The following FNIP2 variants were observed in gnomAD, a reference collection of about 807,000 sequenced individuals.
The protein encoded by FNIP2 is folliculin interacting protein 2, also known as folliculin-interacting protein 2.
A neutral mutation model predicts 108.7 loss-of-function variants in FNIP2; 32 were observed. The ratio of observed to expected loss-of-function variants is 0.29; its 90% CI spans 0.22 to 0.40. The LOEUF is 0.40. Among genes scored for constraint, FNIP2 ranks in the 10% least tolerant of loss-of-function variants. The probability of loss-of-function intolerance (pLI) is 1.00; values close to 1 mark genes in which losing one functional copy is unlikely to be tolerated. For synonymous variants in FNIP2, 480 were observed against 496.7 expected (o/e 0.97, Z 0.45); for missense variants, 1,202 against 1,381.6 (o/e 0.87, Z 2.06).
chr4:158,834,146 TG>T (rs1459493993), intron 6 of FNIP2: 1 of 185,580 alleles, frequency 5.4e-6, no homozygotes, highest in Non-Finnish European at 1.1e-5. Context: ...CCAAGAGGAT[TG>T]TTTTTTTCTG....
chr4:158,798,117 C>T lies in FNIP2; in HGVS notation c.108-27799C>T, dbSNP rs570692987. Among the ~76,000 whole-genome samples, 41 of 152,092 alleles carry T rather than the reference C, an allele frequency of 2.7e-4. No individual in the cohort carries two copies. In the South Asian group the frequency reaches 7.7e-3, roughly 29 times the overall value. On this transcript the variant is annotated intron_variant, in intron 1 of 16. Coordinates refer to ENST00000264433, the MANE Select transcript of FNIP2 (RefSeq NM_020840.3). ...TCTTGCCCTGTCACTCAAGCCAAAG[C>T]GCAGTGGTGTGATTATAGCTCACCG...
In FNIP2 at chr4:158,871,651, G is replaced by T. The variant is rs369340095; in HGVS notation, c.2949+1182G>T. ...CCAGTGTACACGTGTGTGGCCAAAC[G>T]TTCCTAACCCCACCCCTGCTTTGTG... On this transcript the variant is annotated intron_variant, in intron 14 of 16. Coordinates refer to ENST00000264433, the MANE Select transcript of FNIP2 (RefSeq NM_020840.3). The T allele has an allele frequency of 1.4e-5, 14 of 985,224 alleles. No homozygotes were observed. The Admixed American group carries it at 4.9e-4, about 35-fold the overall frequency. The allele number at this position is 985,224 out of a possible 1,614,324, so 61.0% of individuals were successfully genotyped here.
rs1780680840 is a variant in FNIP2 at position 158,868,004 on chromosome 4, G to A, written c.1466-98G>A. The A allele has an allele frequency of 2.0e-6, 3 of 1,477,152 alleles. No individual in the cohort carries two copies. Among genetic ancestry groups the A allele is most frequent in the South Asian group, 1.3e-5 (1 of 76,402 alleles). The allele number at this position is 1,477,152 out of a possible 1,614,324, so 91.5% of individuals were successfully genotyped here. ...AGTCTGAAGCAGGGACTCCAGATTG[G>A]GAATATAAGTTATCTGTTTTGCTCT... On this transcript the variant is annotated intron_variant, in intron 12 of 16. Transcript: ENST00000264433. The surrounding 1 kb of genome is among the most constrained non-coding windows in gnomAD (Gnocchi z 4.6).
Position 158,832,785 on chromosome 4 carries a change from C to T in FNIP2, c.554+647C>T, listed in dbSNP as rs555659467. 1.3e-4 allele frequency among the ~76,000 whole-genome samples: 20 copies of T among 152,172 alleles called. No homozygotes were observed. The East Asian group carries it at 3.1e-3, about 23-fold the overall frequency. ...TATGAGAATTTTTATTTATTTCTTG[C>T]GAGATTTGTTTTTAACAGACCCTTG... On this transcript the variant is annotated intron_variant, in intron 5 of 16. Transcript: ENST00000264433.
rs762685106 is a variant in FNIP2, at chr4:158,904,524, G to C, written c.3325G>C (p.Val1109Leu). 1.9e-6 allele frequency: 3 copies of C among 1,613,068 alleles called. No individual in the cohort carries two copies. In the Admixed American group the frequency reaches 5.0e-5, roughly 27 times the overall value. Residue 1109 changes from valine to leucine, a missense_variant, in exon 17 of 17, where the codon GTG becomes CTG. Around this residue, in one of 5 missense-constraint regions of FNIP2, gnomAD observed 142 missense variants for 183.8 expected, o/e 0.77. Transcript: ENST00000264433. The stretch of plus-strand genomic sequence containing the variant: ...TATTGCCAGTACTCATTCTCCTTAT[G>C]TGGCTCAAATACTCTTATAAGCTAA... The part of the protein sequence containing the change: ...TAIASTHSPY[V>L]AQILL
chr4:158,861,667 C>T lies in FNIP2; in HGVS notation c.1356C>T (p.Val452=), dbSNP rs1409319843. The T allele has an allele frequency of 1.2e-6, 2 of 1,614,050 alleles. No homozygotes were observed. Among genetic ancestry groups the T allele is most frequent in the Non-Finnish European group, 8.5e-7 (1 of 1,179,898 alleles). Residue 452 remains valine (V), a synonymous_variant, in exon 12 of 17, where the codon GTC becomes GTT. Coordinates refer to ENST00000264433, the MANE Select transcript of FNIP2 (RefSeq NM_020840.3). ...ACCACCTGGCCTGGGTCCCAACTGT[C>T]ATGCCTGTGGATCACCCTCCCATCA... is the stretch of plus-strand genomic sequence containing the variant. ...LTYHLAWVPT[V]MPVDHPPIKA...
chr4:158,857,753 G>A (rs1780063565), intron 8 of FNIP2, among the ~76,000 whole-genome samples: 1 of 146,646 alleles, frequency 6.8e-6, no homozygotes, highest in Non-Finnish European at 1.5e-5. Context: ...GACCAGCTTG[G>A]ACAATGTAGG....
At chr4:158,871,787 C>T (rs1382092952) in intron 14 of FNIP2, 4 of 984,798 alleles carry the variant, frequency 4.1e-6, no homozygotes, top group Non-Finnish European at 4.8e-6. Context: ...TAGTTATGAA[C>T]ACCATATAGT....
At chr4:158,882,319 A>C (rs911510195) in intron 14 of FNIP2, among the ~76,000 whole-genome samples, 2 of 146,998 alleles carry the variant, frequency 1.4e-5, no homozygotes, top group Non-Finnish European at 3.0e-5. Flanking sequence ...CAGCTGCCCC[A>C]TCTGGGAGGG....
rs770684687 is a variant in FNIP2, at chr4:158,832,824, G to A, written c.554+686G>A. ...AACAGACCCTTGGGATTACCTGAAC[G>A]TTTATTGCATTAATTCCCTTACGTG... is the stretch of plus-strand genomic sequence containing the variant. On this transcript the variant is annotated intron_variant, in intron 5 of 16. Coordinates refer to ENST00000264433, the MANE Select transcript of FNIP2 (RefSeq NM_020840.3). Among the ~76,000 whole-genome samples, 5 of 152,176 alleles carry A rather than the reference G, an allele frequency of 3.3e-5. 1 individual carries two copies. The South Asian group carries it at 6.2e-4, about 19-fold the overall frequency.
At chr4:158,858,257 A>G (rs1451852078) in intron 8 of FNIP2, among the ~76,000 whole-genome samples, 1 of 152,184 alleles carries the variant, frequency 6.6e-6, no homozygotes, top group East Asian at 1.9e-4. Flanking sequence ...CTCATTTGCA[A>G]TGTTAGGTCC....
intron 1 of FNIP2, among the ~76,000 whole-genome samples, chr4:158,815,363 T>G (rs1014270245): frequency 5.3e-5 from 8 of 151,750 alleles, no homozygotes; most frequent in African/African-American, 1.7e-4. Flanking sequence ...TCTTCTGCTT[T>G]CTTTTTCATC....
chr4:158,819,330 A>AC (rs1777749847), intron 1 of FNIP2, among the ~76,000 whole-genome samples: 3 of 152,238 alleles, frequency 2.0e-5, no homozygotes, highest in Non-Finnish European at 4.4e-5. Context: ...AAGAATTGTA[A>AC]CCAACATGCA....
At chr4:158,895,524 C>T (rs893713114) in intron 15 of FNIP2, among the ~76,000 whole-genome samples, 1 of 152,124 alleles carries the variant, frequency 6.6e-6, no homozygotes, top group African/African-American at 2.4e-5. Flanking sequence ...TAGAATAATA[C>T]ATATGTAAAT....
In FNIP2 at chr4:158,848,606, G is replaced by A. The variant is rs560022176; in HGVS notation, c.728-2715G>A. Among the ~76,000 whole-genome samples the A allele has an allele frequency of 5.9e-5, 9 of 152,216 alleles. No individual in the cohort carries two copies. The South Asian group carries it at 1.2e-3, about 21-fold the overall frequency. ...AAGCATAAAGACCATCCAGGATCAC[G>A]TTACCTCACCAAATGGACTAAATAC... On this transcript the variant is annotated intron_variant, in intron 7 of 16. Transcript: ENST00000264433.
intron 1 of FNIP2, among the ~76,000 whole-genome samples, chr4:158,822,503 TG>T (rs1485170494): frequency 6.6e-6 from 1 of 152,134 alleles, no homozygotes; most frequent in Non-Finnish European, 1.5e-5. Flanking sequence ...TTTGTTTGTT[TG>T]TTTAACAGAC....
rs755470332 is a variant in FNIP2 at position 158,869,245 on chromosome 4, TCCC to T, written c.2611_2613del (p.Pro871del). On this transcript the variant is annotated inframe_deletion, in exon 13 of 17. Coordinates refer to ENST00000264433, the MANE Select transcript of FNIP2 (RefSeq NM_020840.3). ...CCTGGCCTCGTGGCTGGTGCGAATA[TCCC>T]CTGTGGGGATGACAACAAGAAGGCC... 3 of 1,613,918 alleles carry T rather than the reference TCCC, an allele frequency of 1.9e-6. No homozygotes were observed. In the Admixed American group the frequency reaches 5.0e-5, roughly 27 times the overall value.
At chr4:158,826,894 A>G (rs776267732) in intron 2 of FNIP2, among the ~76,000 whole-genome samples, 1 of 152,196 alleles carries the variant, frequency 6.6e-6, no homozygotes, top group Admixed American at 6.5e-5. Flanking sequence ...GTTGCTACCC[A>G]TACTGACCAA....
intron 1 of FNIP2, among the ~76,000 whole-genome samples, chr4:158,824,868 T>G (rs1778069758): frequency 6.6e-6 from 1 of 152,174 alleles, no homozygotes; most frequent in Non-Finnish European, 1.5e-5. Flanking sequence ...ATCATTTGTT[T>G]TGCTTCTTCA....
Sources: gnomAD v4.1 joint callset for allele counts (sites outside exome capture counted in the v4.1 genomes callset) on GRCh38, gnomAD v4.1.1 for gene constraint, gnomAD v4.1.1 regional missense constraint, Gnocchi (gnomAD v3.1) non-coding constraint, MANE v1.5 for transcripts, NCBI Gene and HGNC (gene_info 2026-07-23, HGNC 2026-07-21) for gene names.